NDFIP1: variants seen among roughly 807,000 people sequenced by gnomAD.
The protein encoded by NDFIP1 is NEDD4 family-interacting protein 1.
NDFIP1 carries 7 observed loss-of-function variants against 28.8 expected under a neutral mutation model. The observed-to-expected ratio is 0.24, with a 90% CI of 0.14 to 0.46. The LOEUF (loss-of-function observed/expected upper bound fraction) is 0.46. Among genes scored for constraint, NDFIP1 ranks in the 20% least tolerant of loss-of-function variants. The probability of loss-of-function intolerance (pLI) is 0.99; values close to 1 mark genes in which losing one functional copy is unlikely to be tolerated. For missense variants in NDFIP1, 194 were observed against 269.1 expected (o/e 0.72, Z 1.95); for synonymous variants, 92 against 101.0 (o/e 0.91, Z 0.53).
intron 6 of NDFIP1, among the ~76,000 whole-genome samples, chr5:142,142,415 GTACCTT>G (rs1409691964): frequency 1.3e-5 from 2 of 152,074 alleles, no homozygotes; most frequent in Non-Finnish European, 2.9e-5. Context: ...TTTCTAAACT[GTACCTT>G]TAAGAGAAAG....
At chr5:142,111,729 A>T (rs1477246615) in intron 1 of NDFIP1, among the ~76,000 whole-genome samples, 2 of 152,240 alleles carry the variant, frequency 1.3e-5, no homozygotes, top group Non-Finnish European at 2.9e-5. Context: ...TGGTAGTGTA[A>T]TATGTGGACA....
chr5:142,115,365 C>G (rs1403110396), intron 1 of NDFIP1, among the ~76,000 whole-genome samples: 1 of 152,082 alleles, frequency 6.6e-6, no homozygotes, highest in East Asian at 1.9e-4. Flanking sequence ...CTCACTGCAA[C>G]CTCCGCCTCC....
intron 7 of NDFIP1, among the ~76,000 whole-genome samples, chr5:142,147,980 A>G (rs1757407649): frequency 6.6e-6 from 1 of 152,222 alleles, no homozygotes; most frequent in Admixed American, 6.5e-5. Flanking sequence ...ATTTTCTTTT[A>G]TGGACTTCTA....
In NDFIP1 at chr5:142,120,410, T is replaced by G. The variant is rs7700877; in HGVS notation, c.63+11373T>G. Among the ~76,000 whole-genome samples, 314 of 152,312 alleles carry G rather than the reference T, an allele frequency of 2.1e-3. 2 individuals are homozygous for G. Among genetic ancestry groups the G allele is most frequent in the African/African-American group, 7.2e-3 (301 of 41,562 alleles). On this transcript the variant is annotated intron_variant, in intron 1 of 7. Transcript: ENST00000253814. ...TTTGGGGGATACAAAACAGGTTGTT[T>G]TTTGGCTTTCTGGTTTAGGATTTAG... is the stretch of plus-strand genomic sequence containing the variant.
intron 5 of NDFIP1, among the ~76,000 whole-genome samples, chr5:142,139,994 T>C (rs961528792): frequency 4.6e-5 from 7 of 152,182 alleles, no homozygotes; most frequent in Admixed American, 1.3e-4. Context: ...ACTTTCAAAA[T>C]AAGGAGTTAA....
At chr5:142,123,395 A>G (rs1258789931) in intron 1 of NDFIP1, among the ~76,000 whole-genome samples, 1 of 152,178 alleles carries the variant, frequency 6.6e-6, no homozygotes, top group Non-Finnish European at 1.5e-5. Flanking sequence ...CAGCCTCCCA[A>G]AGTGCTGGGA....
intron 1 of NDFIP1, among the ~76,000 whole-genome samples, chr5:142,123,090 G>A (rs1757136683): frequency 1.3e-5 from 2 of 151,832 alleles, no homozygotes; most frequent in Admixed American, 6.6e-5. Context: ...AGCCTCCCAA[G>A]TAGCTGGGAC....
intron 6 of NDFIP1, chr5:142,143,361 C>T (rs915020219): frequency 6.6e-6 from 1 of 152,100 alleles, no homozygotes; most frequent in African/African-American, 2.4e-5. Flanking sequence ...CCACCATACC[C>T]CAACTTAGTA....
chr5:142,139,044 C>T (rs1238038471), intron 5 of NDFIP1, among the ~76,000 whole-genome samples: 3 of 151,456 alleles, frequency 2.0e-5, no homozygotes, highest in Non-Finnish European at 2.9e-5. Flanking sequence ...GGTGAAACCC[C>T]GTCTCTACTA....
At chr5:142,119,134 G>A (rs998621357) in intron 1 of NDFIP1, among the ~76,000 whole-genome samples, 3 of 152,044 alleles carry the variant, frequency 2.0e-5, no homozygotes, top group African/African-American at 7.2e-5. Context: ...TCTATATTAA[G>A]CTAAACATAA....
chr5:142,149,881 C>T (rs1561606235), intron 7 of NDFIP1, among the ~76,000 whole-genome samples: 1 of 152,114 alleles, frequency 6.6e-6, no homozygotes, highest in Non-Finnish European at 1.5e-5. Flanking sequence ...CATCAGTTTT[C>T]ATCTATTAAA....
At chr5:142,127,546 A>G (rs572662495) in intron 1 of NDFIP1, among the ~76,000 whole-genome samples, 1 of 152,274 alleles carries the variant, frequency 6.6e-6, no homozygotes, top group South Asian at 2.1e-4. Context: ...AGGTGATTGG[A>G]TTATTTATTT....
At chr5:142,125,354 T>C (rs115458927) in intron 1 of NDFIP1, among the ~76,000 whole-genome samples, 2,259 of 152,280 alleles carry the variant, frequency 0.015, 47 homozygotes, top group African/African-American at 0.049. Flanking sequence ...TGCTTGATGT[T>C]AATATAAATC....
intron 6 of NDFIP1, among the ~76,000 whole-genome samples, chr5:142,140,927 C>G (rs1050858671): frequency 6.6e-6 from 1 of 151,974 alleles, no homozygotes; most frequent in African/African-American, 2.4e-5. Flanking sequence ...GTTTTTTTCC[C>G]CTTGTGAGCT....
intron 1 of NDFIP1, 105 bp downstream of exon 1, chr5:142,109,142 G>A (rs1341638187): frequency 2.9e-6 from 3 of 1,045,748 alleles, no homozygotes; most frequent in South Asian, 8.0e-5. Context: ...TCGACGCCGG[G>A]GCTTGGCAGG....
chr5:142,115,375 C>G (rs1757054379), intron 1 of NDFIP1, among the ~76,000 whole-genome samples: 1 of 152,078 alleles, frequency 6.6e-6, no homozygotes, highest in South Asian at 2.1e-4. Context: ...CCTCCGCCTC[C>G]CAGGTTCAAG....
rs564928723 is a variant in NDFIP1, at chr5:142,141,318, G to A, written c.562+689G>A. 2.6e-5 allele frequency among the ~76,000 whole-genome samples: 4 copies of A among 151,606 alleles called. No individual in the cohort carries two copies. The East Asian group carries it at 7.8e-4, about 30-fold the overall frequency. The stretch of plus-strand genomic sequence containing the variant: ...AGCCTCCCGAGTAGCTGGGACTACA[G>A]GCACCTGCCACCACGCCCGGCTAAT... On this transcript the variant is annotated intron_variant, in intron 6 of 7. Transcript: ENST00000253814.
At chr5:142,121,679 T>C (rs561557297) in intron 1 of NDFIP1, among the ~76,000 whole-genome samples, 1 of 152,218 alleles carries the variant, frequency 6.6e-6, no homozygotes, top group African/African-American at 2.4e-5. Flanking sequence ...TGTTCTCCTC[T>C]CCTGAAACCA....
At chr5:142,123,021 G>C (rs1456371586) in intron 1 of NDFIP1, among the ~76,000 whole-genome samples, 2 of 151,590 alleles carry the variant, frequency 1.3e-5, no homozygotes, top group African/African-American at 4.8e-5. Context: ...GGAGTGCAGT[G>C]GGGTAATCTC....
Sources: allele counts gnomAD v4.1 joint callset (sites outside exome capture counted in the v4.1 genomes callset), GRCh38; gene constraint gnomAD v4.1.1; transcripts MANE v1.5; gene names NCBI Gene and HGNC (gene_info 2026-07-23, HGNC 2026-07-21).